Variants in ACSM1 observed in about 807,000 individuals in gnomAD.
The protein encoded by ACSM1 is acyl-coenzyme A synthetase ACSM1, mitochondrial.
A neutral mutation model predicts 75.8 loss-of-function variants in ACSM1; 79 were observed. The ratio of observed to expected loss-of-function variants is 1.04; its 90% CI spans 0.87 to 1.26. The LOEUF (loss-of-function observed/expected upper bound fraction) is 1.26. Among genes scored for constraint, ACSM1 ranks in the 50% most tolerant of loss-of-function variants. The pLI, the probability that ACSM1 is intolerant of heterozygous loss-of-function variation, is 0.00. For missense variants in ACSM1, 676 were observed against 720.1 expected (o/e 0.94, Z 0.70); for synonymous variants, 279 against 265.8 (o/e 1.05, Z -0.48).
chr16:20,645,186 G>A (rs1459954889), intron 7 of ACSM1, among the ~76,000 whole-genome samples: 1 of 152,176 alleles, frequency 6.6e-6, no homozygotes, highest in Non-Finnish European at 1.5e-5. Context: ...AAGAAAGGTG[G>A]GAAAACAGGT....
chr16:20,636,994 A>G, intron 9 of ACSM1, 154 bp from the exon 10 acceptor site: 1 of 683,854 alleles, frequency 1.5e-6, no homozygotes, highest in Non-Finnish European at 2.6e-6. Context: ...AGCCTTTAAA[A>G]TACGCAAATG....
intron 8 of ACSM1, among the ~76,000 whole-genome samples, chr16:20,637,952 G>A (rs573261641): frequency 4.6e-5 from 7 of 152,298 alleles, no homozygotes; most frequent in Non-Finnish European, 5.9e-5. Flanking sequence ...TCAGTGATCC[G>A]TAGGAAGAGG....
At chr16:20,650,392 T>A (rs937675239) in intron 7 of ACSM1, among the ~76,000 whole-genome samples, 4 of 152,094 alleles carry the variant, frequency 2.6e-5, no homozygotes, top group African/African-American at 7.2e-5. Context: ...CGTGGGAGTG[T>A]CTGGGAGCTT....
chr16:20,654,660 T>C (rs2018848263), intron 7 of ACSM1, among the ~76,000 whole-genome samples: 1 of 152,188 alleles, frequency 6.6e-6, no homozygotes. Flanking sequence ...ATGCTCATCA[T>C]CACTGGCCAT....
At chr16:20,676,398 T>C (rs2020278732) in intron 4 of ACSM1, among the ~76,000 whole-genome samples, 1 of 152,118 alleles carries the variant, frequency 6.6e-6, no homozygotes, top group Non-Finnish European at 1.5e-5. Flanking sequence ...CACCAGCCAG[T>C]TTTAAGAAAG....
At position 20,664,930 on chromosome 16, in the gene ACSM1, T is replaced by C. The variant is rs183382844; in HGVS notation, c.913-3057A>G. 3.4e-4 allele frequency among the ~76,000 whole-genome samples: 52 copies of C among 152,098 alleles called. 1 individual carries two copies. In the East Asian group the frequency reaches 0.01, roughly 29 times the overall value. On this transcript the variant is annotated intron_variant, in intron 6 of 13. Coordinates refer to ENST00000520010, the MANE Select transcript of ACSM1 (RefSeq NM_001318890.3). ...TTGGGTGAACAAGAAGTCAAAAAAG[T>C]TTCTGAAATTAATGAAAATGAAAAT...
At chr16:20,654,551 C>G (rs2018841038) in intron 7 of ACSM1, among the ~76,000 whole-genome samples, 1 of 151,986 alleles carries the variant, frequency 6.6e-6, no homozygotes, top group Admixed American at 6.5e-5. Context: ...AACAAATTTA[C>G]AAGAAAACAA....
intron 8 of ACSM1, among the ~76,000 whole-genome samples, chr16:20,638,878 T>A (rs2017891928): frequency 6.6e-6 from 1 of 152,068 alleles, no homozygotes; most frequent in South Asian, 2.1e-4. Context: ...AATATTGGAG[T>A]CGTGGGTGGA....
intron 8 of ACSM1, 104 bp downstream of exon 8, chr16:20,640,357 A>C: frequency 7.5e-7 from 1 of 1,327,966 alleles, no homozygotes; most frequent in Non-Finnish European, 1.1e-6. Context: ...TCTTTGGGGA[A>C]AGGCACAAAC....
chr16:20,635,281 G>A (rs2152205659), intron 10 of ACSM1, among the ~76,000 whole-genome samples: 1 of 152,314 alleles, frequency 6.6e-6, no homozygotes, highest in East Asian at 1.9e-4. Context: ...CGTGGTCCCA[G>A]CTCCTTGGGA....
In ACSM1 at chr16:20,627,176, C is replaced by T. The variant is rs1789072142; in HGVS notation, c.1427+13G>A. On this transcript the variant is annotated intron_variant, in intron 11 of 13. Transcript: ENST00000520010. ...ACGGCAACAACAGCCAGCCCAGCAT[C>T]AGCCACACCTACCCAGAGGCATTAA... is the stretch of plus-strand genomic sequence containing the variant. 2.0e-6 allele frequency: 3 copies of T among 1,521,494 alleles called. No individual in the cohort carries two copies. In the African/African-American group the frequency reaches 4.3e-5, roughly 22 times the overall value. 94.2% of individuals were successfully genotyped at this position (1,521,494 alleles called of 1,614,324 possible). A position where few individuals can be genotyped will look rare whatever the true frequency, so the allele number is the denominator to read the frequency against.
intron 4 of ACSM1, among the ~76,000 whole-genome samples, chr16:20,675,326 C>T (rs1489758619): frequency 1.3e-5 from 2 of 152,118 alleles, no homozygotes; most frequent in Non-Finnish European, 2.9e-5. Context: ...TGGGGAGGCA[C>T]AGATCCCTTA....
intron 7 of ACSM1, among the ~76,000 whole-genome samples, chr16:20,646,134 A>G (rs555959982): frequency 4.6e-5 from 7 of 152,216 alleles, no homozygotes; most frequent in African/African-American, 1.7e-4. Context: ...TGAAAAAAAA[A>G]CACCACTTTA....
At chr16:20,660,479 C>A (rs1348075188) in intron 7 of ACSM1, among the ~76,000 whole-genome samples, 1 of 152,086 alleles carries the variant, frequency 6.6e-6, no homozygotes, top group African/African-American at 2.4e-5. Context: ...TGAAGCTAAA[C>A]CAAAGTACAT....
chr16:20,627,879 T>TATAC lies in ACSM1; in HGVS notation c.1300-564_1300-563insGTAT, dbSNP rs2017072254. ...CTCTCTGTATGTATACATATATATATATATATATATATATATATATATATA... is the reference window on the plus strand; with the variant it reads ...CTCTCTGTATGTATACATATATATATATACATATATATATATATATATATATATA... On this transcript the variant is annotated intron_variant, in intron 10 of 13. Transcript: ENST00000520010. 2.4e-4 allele frequency among the ~76,000 whole-genome samples: 3 copies of TATAC among 12,268 alleles called. 1 individual carries two copies. Among genetic ancestry groups the TATAC allele is most frequent in the African/African-American group, 5.2e-4 (3 of 5,820 alleles). 8.0% of individuals were successfully genotyped at this position (12,268 alleles called of 152,430 possible). A position where few individuals can be genotyped will look rare whatever the true frequency, so the allele number is the denominator to read the frequency against.
In ACSM1 at chr16:20,669,923, A is replaced by C. The variant is rs16970511; in HGVS notation, c.816T>G (p.Ile272Met). The change falls in exon 6 of 14, where the codon ATT (isoleucine) becomes ATG (methionine). Residue 272 changes from isoleucine to methionine, a missense_variant. Ile to Met is a conservative substitution (Grantham distance 10). Coordinates refer to ENST00000520010, the MANE Select transcript of ACSM1 (RefSeq NM_001318890.3). ...CTACCAGGGTCCAAATGGTAGCCAC[A>C]ATCCATCCTGAGTCCGACAGGCACC... is the stretch of plus-strand genomic sequence containing the variant. ...VSWCLSDSGW[I>M]VATIWTLVEP... 2,164 of 1,613,916 alleles carry C rather than the reference A, an allele frequency of 1.3e-3. 31 individuals are homozygous for C. The African/African-American group carries it at 0.026, about 20-fold the overall frequency.
chr16:20,626,516 C>T (rs1345925783), intron 11 of ACSM1, among the ~76,000 whole-genome samples: 1 of 151,972 alleles, frequency 6.6e-6, no homozygotes, highest in Non-Finnish European at 1.5e-5. Flanking sequence ...ATCTGGATTG[C>T]ATCCTGTGCT....
In ACSM1 at chr16:20,627,246, T is replaced by C; in HGVS notation, c.1370A>G (p.Asp457Gly). 1 of 1,589,846 alleles carries C rather than the reference T, an allele frequency of 6.3e-7. No individual in the cohort carries two copies. The highest frequency in any genetic ancestry group is 8.5e-7 in the Non-Finnish European group (1 of 1,170,132). ...CAGGAAACAAATGTAGCCCTCTTCATCCATCTTACCTCTGTCCCCAGTGTT... is the reference window on the plus strand; with the variant it reads ...CAGGAAACAAATGTAGCCCTCTTCACCCATCTTACCTCTGTCCCCAGTGTT... ...FYNTGDRGKM[D>G]EEGYICFLGR... Residue 457 changes from aspartate to glycine, a missense_variant, in exon 11 of 14, where the codon GAT becomes GGT. Asp to Gly is a moderately conservative substitution (Grantham distance 94, BLOSUM62 -1). Transcript: ENST00000520010.
rs540857080 is a variant in ACSM1, at chr16:20,639,652, A to C, written c.1116+809T>G. Among the ~76,000 whole-genome samples, 3 of 152,308 alleles carry C rather than the reference A, an allele frequency of 2.0e-5. No homozygotes were observed. In the South Asian group the frequency reaches 6.2e-4, roughly 32 times the overall value. On this transcript the variant is annotated intron_variant, in intron 8 of 13. Transcript: ENST00000520010. ...CGAGTTGTACATTTTCTTTCTGCAG[A>C]TAGATTTGGGACAAATTAGCCTAGA... is the stretch of plus-strand genomic sequence containing the variant.
Sources: allele counts gnomAD v4.1 joint callset (sites outside exome capture counted in the v4.1 genomes callset), GRCh38; gene constraint gnomAD v4.1.1; transcripts MANE v1.5; gene names NCBI Gene and HGNC (gene_info 2026-07-23, HGNC 2026-07-21).